Variants in SOCS6 observed in about 807,000 individuals in gnomAD.
SOCS6 encodes suppressor of cytokine signaling 6.
A neutral mutation model predicts 27.7 loss-of-function variants in SOCS6; 5 were observed. The ratio of observed to expected loss-of-function variants is 0.18; its 90% CI spans 0.09 to 0.38. The LOEUF is 0.38. Among genes scored for constraint, SOCS6 ranks in the 10% least tolerant of loss-of-function variants. SOCS6 has a pLI of 1.00. For synonymous variants in SOCS6, 271 were observed against 260.0 expected, an observed-to-expected ratio of 1.04 and a Z score of -0.41; for missense variants, 595 against 688.1, an observed-to-expected ratio of 0.86 and a Z score of 1.51.
intron 1 of SOCS6, chr18:70,296,491 C>T (rs1030329026): frequency 1.3e-5 from 2 of 152,316 alleles, no homozygotes; most frequent in Non-Finnish European, 2.9e-5. Context: ...CGCTGGTCAC[C>T]ATAGGCCAGA....
intron 1 of SOCS6, among the ~76,000 whole-genome samples, chr18:70,318,982 A>G (rs1420993160): frequency 6.6e-6 from 1 of 152,124 alleles, no homozygotes; most frequent in Non-Finnish European, 1.5e-5. Flanking sequence ...AAAAGAAGAA[A>G]GAAAGAAAGG....
chr18:70,300,348 C>T (rs1035724594), intron 1 of SOCS6, among the ~76,000 whole-genome samples: 3 of 152,114 alleles, frequency 2.0e-5, no homozygotes, highest in African/African-American at 7.2e-5. Context: ...AGGCTAGTCT[C>T]GAACACCTGA....
chr18:70,309,599 C>T (rs2062382349), intron 1 of SOCS6, among the ~76,000 whole-genome samples: 6 of 152,144 alleles, frequency 3.9e-5, no homozygotes, highest in Admixed American at 3.9e-4. Flanking sequence ...CCACAATCTG[C>T]TTCAAAATAA....
At chr18:70,293,724 C>CA (rs575116411) in intron 1 of SOCS6, among the ~76,000 whole-genome samples, 2,298 of 142,440 alleles carry the variant, frequency 0.016, 39 homozygotes, top group African/African-American at 0.041. Context: ...TAGATTAAAA[C>CA]AAAAAAAAAA....
intron 1 of SOCS6, among the ~76,000 whole-genome samples, chr18:70,307,230 C>T (rs2062373241): frequency 1.3e-5 from 2 of 152,166 alleles, no homozygotes. Context: ...TCACTGCACT[C>T]CAGCCTGGGC....
chr18:70,315,873 T>G (rs2062409165), intron 1 of SOCS6, among the ~76,000 whole-genome samples: 1 of 152,138 alleles, frequency 6.6e-6, no homozygotes, highest in Admixed American at 6.5e-5. Flanking sequence ...TGTTTTTGTT[T>G]TTGTGGTTTT....
At chr18:70,315,064 C>G (rs1377385434) in intron 1 of SOCS6, among the ~76,000 whole-genome samples, 2 of 152,056 alleles carry the variant, frequency 1.3e-5, no homozygotes, top group Non-Finnish European at 2.9e-5. Context: ...TATACCTTAT[C>G]TAGTTGAATT....
intron 1 of SOCS6, among the ~76,000 whole-genome samples, chr18:70,306,477 C>CAAAA (rs55702216): frequency 8.9e-4 from 82 of 92,462 alleles, no homozygotes; most frequent in Non-Finnish European, 1.0e-3. Context: ...GACTCCATCT[C>CAAAA]AAAAAAAAAA....
intron 1 of SOCS6, among the ~76,000 whole-genome samples, chr18:70,292,725 C>T (rs987840647): frequency 6.6e-6 from 1 of 152,208 alleles, no homozygotes; most frequent in African/African-American, 2.4e-5. Context: ...CCCTAATTCT[C>T]ATCTTGAGCA....
chr18:70,291,441 T>C (rs1391096708), intron 1 of SOCS6, among the ~76,000 whole-genome samples: 1 of 152,196 alleles, frequency 6.6e-6, no homozygotes. Context: ...CTACACTCCT[T>C]AGAGAAAAAT....
chr18:70,309,295 T>C (rs1020585379), intron 1 of SOCS6, among the ~76,000 whole-genome samples: 3 of 152,206 alleles, frequency 2.0e-5, no homozygotes, highest in African/African-American at 2.4e-5. Flanking sequence ...AAGGATGATA[T>C]GCTGAATTTT....
At chr18:70,297,242 C>T (rs1205573945) in intron 1 of SOCS6, among the ~76,000 whole-genome samples, 1 of 152,134 alleles carries the variant, frequency 6.6e-6, no homozygotes, top group Non-Finnish European at 1.5e-5. Context: ...TTTGTTTTAG[C>T]CACTTAACAC....
At chr18:70,309,515 T>C (rs1220390760) in intron 1 of SOCS6, among the ~76,000 whole-genome samples, 1 of 152,242 alleles carries the variant, frequency 6.6e-6, no homozygotes, top group Admixed American at 6.5e-5. Context: ...CTTGACGTTT[T>C]ATTTTTTAAA....
chr18:70,297,050 A>G lies in SOCS6; in HGVS notation c.-127+7960A>G, dbSNP rs2062327240. On this transcript the variant is annotated intron_variant, in intron 1 of 1. Coordinates refer to ENST00000397942, the MANE Select transcript of SOCS6 (RefSeq NM_004232.4). ...TGTTCTTTGGAGGGGAGTTCCCTCAATTTTTCTTTTATTGAATGTTTACTT... is the reference window on the plus strand; with the variant it reads ...TGTTCTTTGGAGGGGAGTTCCCTCAGTTTTTCTTTTATTGAATGTTTACTT... Among the ~76,000 whole-genome samples, 3 of 150,628 alleles carry G rather than the reference A, an allele frequency of 2.0e-5. No homozygotes were observed. In the South Asian group the frequency reaches 6.3e-4, roughly 31 times the overall value.
At chr18:70,302,029 A>G (rs1296086413) in intron 1 of SOCS6, among the ~76,000 whole-genome samples, 1 of 152,170 alleles carries the variant, frequency 6.6e-6, no homozygotes, top group Non-Finnish European at 1.5e-5. Flanking sequence ...TTTTGCTGCA[A>G]AGGGAATCAG....
Position 70,328,959 on chromosome 18 carries a change from G to A in SOCS6, c.*2683G>A, listed in dbSNP as rs141183315. 23 of 166,998 alleles carry A rather than the reference G, an allele frequency of 1.4e-4. No homozygotes were observed. Among genetic ancestry groups the A allele is most frequent in the African/African-American group, 5.3e-4 (22 of 41,502 alleles). 10.3% of individuals were successfully genotyped at this position (166,998 alleles called of 1,614,324 possible). A position where few individuals can be genotyped will look rare whatever the true frequency, so the allele number is the denominator to read the frequency against. On this transcript the variant is annotated 3_prime_UTR_variant, in exon 2 of 2. Coordinates refer to ENST00000397942, the MANE Select transcript of SOCS6 (RefSeq NM_004232.4). ...CAGCCTATGAGTGCTTTTTAAATAC[G>A]TGCTTCTAAAAATCTGAGCTCAAAG...
intron 1 of SOCS6, among the ~76,000 whole-genome samples, chr18:70,312,471 A>C (rs41452448): frequency 0.11 from 17,029 of 152,260 alleles, 1,153 homozygotes; most frequent in Middle Eastern, 0.22. Context: ...ATATTTTCAA[A>C]TCATCTTTTA....
chr18:70,325,235 T>C lies in SOCS6; in HGVS notation c.567T>C (p.Asn189=). 1 of 1,614,208 alleles carries C rather than the reference T, an allele frequency of 6.2e-7. No homozygotes were observed. Among genetic ancestry groups the C allele is most frequent in the Non-Finnish European group, 8.5e-7 (1 of 1,180,036 alleles). The change falls in exon 2 of 2, where the codon AAT becomes AAC. Residue 189 remains asparagine (N), a synonymous_variant. Coordinates refer to ENST00000397942, the MANE Select transcript of SOCS6 (RefSeq NM_004232.4). This position sits in a 1 kb window ranked among gnomAD's most constrained non-coding sequence, Gnocchi z 6.3. ...QSETTCQEQA[N]SLKSSASHNG... ...AGACCACGTGCCAGGAGCAAGCCAA[T>C]TCACTGAAGAGCTCGGCTTCTCATA...
intron 1 of SOCS6, among the ~76,000 whole-genome samples, chr18:70,308,009 T>A (rs1302230786): frequency 6.6e-6 from 1 of 152,210 alleles, no homozygotes; most frequent in Non-Finnish European, 1.5e-5. Flanking sequence ...TAAATTTGTG[T>A]ATGTTTTGTT....
Sources: allele counts gnomAD v4.1 joint callset (sites outside exome capture counted in the v4.1 genomes callset), GRCh38; gene constraint gnomAD v4.1.1; non-coding constraint Gnocchi (gnomAD v3.1); transcripts MANE v1.5; gene names NCBI Gene and HGNC (gene_info 2026-07-23, HGNC 2026-07-21).